Variants in CEP350 observed in about 807,000 individuals in gnomAD.
CEP350 encodes the protein centrosomal protein 350, also known as centrosome-associated protein 350.
CEP350 carries 126 observed loss-of-function variants against 331.8 expected under a neutral mutation model. That is an observed-to-expected ratio of 0.38 (90% confidence interval 0.33 to 0.44). The LOEUF (loss-of-function observed/expected upper bound fraction) is 0.44, where lower values mean the gene tolerates loss of function less well. CEP350 is among the 20% of genes least tolerant of loss of function. The pLI is 1.00. For synonymous variants in CEP350, 1,200 were observed against 1,259.5 expected, an observed-to-expected ratio of 0.95 and a Z score of 1.00; for missense variants, 3,406 against 3,634.6, an observed-to-expected ratio of 0.94 and a Z score of 1.62.
chr1:180,054,645 A>G, intron 25 of CEP350, 143 bp downstream of exon 25: 1 of 627,010 alleles, frequency 1.6e-6, no homozygotes, highest in Non-Finnish European at 2.9e-6. Flanking sequence ...TCATACTACT[A>G]TAATTATAGG....
chr1:180,034,089 A>G lies in CEP350; in HGVS notation c.3946+7A>G. 1.2e-6 allele frequency: 2 copies of G among 1,606,674 alleles called. No homozygotes were observed. The highest frequency in any genetic ancestry group is 8.5e-7 in the Non-Finnish European group (1 of 1,176,740). On this transcript the variant is annotated splice_region_variant and intron_variant, in intron 16 of 37. Coordinates refer to ENST00000367607, the MANE Select transcript of CEP350 (RefSeq NM_014810.5). ...AACATGGCTCCAATACCAGGTAAGTAGATTCATGCAATTGTAATTTTTAGA... is the reference window on the plus strand; with the variant it reads ...AACATGGCTCCAATACCAGGTAAGTGGATTCATGCAATTGTAATTTTTAGA...
At position 180,037,052 on chromosome 1, in the gene CEP350, C is replaced by T; in HGVS notation, c.4073C>T (p.Ala1358Val). The T allele has an allele frequency of 6.2e-7, 1 of 1,605,602 alleles. No homozygotes were observed. The highest frequency in any genetic ancestry group is 8.5e-7 in the Non-Finnish European group (1 of 1,175,838). Residue 1358 changes from alanine (A) to valine (V), a missense_variant, in exon 17 of 38, where the codon GCT becomes GTT. By Grantham distance (64) the Ala-to-Val change is moderately conservative. This residue lies in a region of CEP350 where 1,857 missense variants were observed against 1,909.2 expected (regional missense o/e 0.97). Coordinates refer to ENST00000367607, the MANE Select transcript of CEP350 (RefSeq NM_014810.5). ...GAAAGAGTTAGAGGCATTTCACTTG[C>T]TCAGCAGGAGAGTGTGTCTCTAGCT... ...DVERVRGISL[A>V]QQESVSLAQI... is the part of the protein sequence containing the mutation.
Position 180,111,206 on chromosome 1 carries a change from G to A in CEP350, c.*45G>A. ...ACGCTGAGTGCTAATGTGAGTCCTGGGCCTTTCTGCCTCCTGATGTACACC... is the reference window on the plus strand; with the variant it reads ...ACGCTGAGTGCTAATGTGAGTCCTGAGCCTTTCTGCCTCCTGATGTACACC... On this transcript the variant is annotated 3_prime_UTR_variant, in exon 38 of 38. Coordinates refer to ENST00000367607, the MANE Select transcript of CEP350 (RefSeq NM_014810.5). 3 of 1,598,498 alleles carry A rather than the reference G, an allele frequency of 1.9e-6. No individual in the cohort carries two copies. The highest frequency in any genetic ancestry group is 2.6e-6 in the Non-Finnish European group (3 of 1,169,864).
chr1:179,990,715 T>C, intron 4 of CEP350, 94 bp downstream of exon 4: 1 of 592,676 alleles, frequency 1.7e-6, no homozygotes, highest in Non-Finnish European at 2.9e-6. Context: ...CCACCACACC[T>C]GGCTAATCTT....
At chr1:179,978,838 C>T (rs1232714860) in intron 1 of CEP350, among the ~76,000 whole-genome samples, 1 of 151,950 alleles carries the variant, frequency 6.6e-6, no homozygotes, top group Non-Finnish European at 1.5e-5. Flanking sequence ...CTCCCGTGTT[C>T]TCATTTGGTT....
chr1:179,986,299 T>C, intron 2 of CEP350, 45 bp downstream of exon 2: 1 of 1,356,910 alleles, frequency 7.4e-7, no homozygotes, highest in Non-Finnish European at 1.0e-6. Flanking sequence ...CTCATTTAGG[T>C]CATGTGTATT....
intron 1 of CEP350, among the ~76,000 whole-genome samples, chr1:179,964,340 T>C (rs990014636): frequency 6.6e-6 from 1 of 152,124 alleles, no homozygotes; most frequent in African/African-American, 2.4e-5. Context: ...TTATGTTGAA[T>C]AGGAGTCGTA....
intron 6 of CEP350, among the ~76,000 whole-genome samples, chr1:179,998,225 T>C (rs1267491322): frequency 1.3e-5 from 2 of 151,750 alleles, no homozygotes; most frequent in Non-Finnish European, 2.9e-5. Flanking sequence ...TTTTAGTGGG[T>C]ATTTTTTCCA....
intron 7 of CEP350, among the ~76,000 whole-genome samples, chr1:180,004,933 TTCTTTC>T (rs1558093288): frequency 5.0e-5 from 5 of 99,660 alleles, no homozygotes; most frequent in African/African-American, 1.4e-4. Flanking sequence ...CTTTCTTTCT[TTCTTTC>T]TTTCTTTCTT....
chr1:179,968,262 T>C (rs1405968164), intron 1 of CEP350, among the ~76,000 whole-genome samples: 1 of 146,570 alleles, frequency 6.8e-6, no homozygotes, highest in Non-Finnish European at 1.5e-5. Flanking sequence ...TCCCGGGAGG[T>C]AGAGGTTGCA....
intron 1 of CEP350, among the ~76,000 whole-genome samples, chr1:179,956,008 A>G (rs1489481172): frequency 6.6e-6 from 1 of 152,250 alleles, no homozygotes; most frequent in Non-Finnish European, 1.5e-5. Context: ...TGGCAGAGCT[A>G]GTAACAATCT....
rs990201550 is a variant in CEP350 at position 180,098,840 on chromosome 1, G to T, written c.9067-23G>T. The T allele has an allele frequency of 1.9e-6, 3 of 1,602,184 alleles. No individual in the cohort carries two copies. The African/African-American group carries it at 4.0e-5, about 22-fold the overall frequency. The stretch of plus-strand genomic sequence containing the variant: ...CAGGAATTTCTGTTGTTTGTGTTTC[G>T]TGTATTTGTCTTGTTTCCACAGAGC... On this transcript the variant is annotated intron_variant, in intron 36 of 37. Transcript: ENST00000367607.
intron 1 of CEP350, among the ~76,000 whole-genome samples, chr1:179,974,736 A>G (rs749606407): frequency 6.6e-6 from 1 of 152,230 alleles, no homozygotes; most frequent in Non-Finnish European, 1.5e-5. Context: ...TCATGCCTGT[A>G]TTCCCAGTGC....
intron 34 of CEP350, 103 bp from the exon 35 acceptor site, chr1:180,095,420 A>G: frequency 7.8e-7 from 1 of 1,289,270 alleles, no homozygotes; most frequent in Non-Finnish European, 1.0e-6. Flanking sequence ...ACTTATAGAG[A>G]AATATTAGAT....
intron 14 of CEP350, among the ~76,000 whole-genome samples, chr1:180,026,847 A>T (rs188676397): frequency 2.6e-5 from 4 of 152,248 alleles, no homozygotes; most frequent in Non-Finnish European, 5.9e-5. Flanking sequence ...TGTGTATGCC[A>T]TATTTTGTTT....
chr1:180,055,179 T>G (rs898867270), intron 25 of CEP350, among the ~76,000 whole-genome samples: 1 of 152,214 alleles, frequency 6.6e-6, no homozygotes, highest in Admixed American at 6.5e-5. Flanking sequence ...TGGTAAGTGC[T>G]CAATAAATAT....
At position 180,078,535 on chromosome 1, in the gene CEP350, A is replaced by G; in HGVS notation, c.5840A>G (p.Glu1947Gly). 2 of 1,613,648 alleles carry G rather than the reference A, an allele frequency of 1.2e-6. No homozygotes were observed. The highest frequency in any genetic ancestry group is 1.7e-6 in the Non-Finnish European group (2 of 1,179,766). The change falls in exon 29 of 38, where the codon GAA becomes GGA. Residue 1947 changes from glutamate (E) to glycine (G), a missense_variant. Physicochemically the swap from Glu to Gly is moderately conservative, Grantham distance 98 (BLOSUM62 -2). Transcript: ENST00000367607. Reference protein sequence around the residue: ...HLNSESSIPEELGSPAVEYVP... With the variant: ...HLNSESSIPEGLGSPAVEYVP... ...AACAGTGAAAGCTCCATTCCAGAAG[A>G]ATTAGGCAGCCCTGCTGTTGAATAT...
chr1:180,107,113 A>G (rs1661187870), intron 37 of CEP350, among the ~76,000 whole-genome samples: 1 of 152,208 alleles, frequency 6.6e-6, no homozygotes, highest in Non-Finnish European at 1.5e-5. Context: ...GCCTTTCAGC[A>G]TTCACAAAAC....
chr1:180,101,939 G>A (rs1333505577), intron 37 of CEP350, among the ~76,000 whole-genome samples: 1 of 152,144 alleles, frequency 6.6e-6, no homozygotes, highest in East Asian at 1.9e-4. Context: ...GAACCTCCAG[G>A]TTTAGCTATC....
Sources: allele counts gnomAD v4.1 joint callset (sites outside exome capture counted in the v4.1 genomes callset), GRCh38; gene constraint gnomAD v4.1.1; regional missense constraint gnomAD v4.1.1; transcripts MANE v1.5; gene names NCBI Gene and HGNC (gene_info 2026-07-23, HGNC 2026-07-21).